TLE3: variants seen among roughly 807,000 people sequenced by gnomAD.
The protein encoded by TLE3 is transducin-like enhancer protein 3.
In TLE3, 14 loss-of-function variants were observed where a neutral mutation model predicts 93.0. The observed-to-expected ratio is 0.15, with a 90% confidence interval of 0.10 to 0.24. The LOEUF (loss-of-function observed/expected upper bound fraction) is 0.24, where lower values mean the gene tolerates loss of function less well. Among genes scored for constraint, TLE3 ranks in the 10% least tolerant of loss-of-function variants. The pLI is 1.00. For missense variants in TLE3, 693 were observed against 1,046.6 expected (o/e 0.66, Z 4.66); for synonymous variants, 451 against 425.0 (o/e 1.06, Z -0.75).
chr15:70,053,051 C>A lies in TLE3; in HGVS notation c.1974+176G>T. ...AATGTGTCCAACCCCAAGGTCATCTCCATCTGTTTCACTGCTGCTTCCTCC... is the reference window on the plus strand; with the variant it reads ...AATGTGTCCAACCCCAAGGTCATCTACATCTGTTTCACTGCTGCTTCCTCC... On this transcript the variant is annotated intron_variant, in intron 17 of 19. Coordinates refer to ENST00000451782, the MANE Select transcript of TLE3 (RefSeq NM_001105192.3). 8 of 743,134 alleles carry A rather than the reference C, an allele frequency of 1.1e-5. No homozygotes were observed. In the South Asian group the frequency reaches 1.7e-4, roughly 16 times the overall value. The allele number at this position is 743,134 out of a possible 1,614,324, so 46.0% of individuals were successfully genotyped here. A position where few individuals can be genotyped will look rare whatever the true frequency, so the allele number is the denominator to read the frequency against.
chr15:70,074,421 G>A (rs1186089436), intron 6 of TLE3, 112 bp downstream of exon 6: 5 of 1,348,598 alleles, frequency 3.7e-6, no homozygotes, highest in Non-Finnish European at 4.1e-6. Flanking sequence ...GGAGCCCTGG[G>A]GCCGCCATTC....
rs750492931 is a variant in TLE3 at position 70,055,046 on chromosome 15, C to T, written c.1578+3G>A. 9 of 1,604,090 alleles carry T rather than the reference C, an allele frequency of 5.6e-6. No individual in the cohort carries two copies. The highest frequency in any genetic ancestry group is 5.1e-6 in the Non-Finnish European group (6 of 1,175,384). On this transcript the variant is annotated splice_donor_region_variant and intron_variant, in intron 15 of 19. Coordinates refer to ENST00000451782, the MANE Select transcript of TLE3 (RefSeq NM_001105192.3). ...GGCGGCGCAGCAGCCCTGGGATTCT[C>T]ACCAGGCAGTCCAGCTGGGAGATGG... is the stretch of plus-strand genomic sequence containing the variant.
intron 8 of TLE3, among the ~76,000 whole-genome samples, chr15:70,062,407 G>C (rs542734797): frequency 2.0e-5 from 3 of 152,202 alleles, no homozygotes; most frequent in African/African-American, 7.2e-5. Context: ...GCGGCTGCTC[G>C]TGTTTCTCCT....
chr15:70,097,800 G>GCA lies in TLE3; in HGVS notation c.-1004_-1003dup, dbSNP rs1385974897. 9.0e-6 allele frequency: 3 copies of GCA among 332,104 alleles called. No homozygotes were observed. Among genetic ancestry groups the GCA allele is most frequent in the South Asian group, 1.9e-4 (1 of 5,378 alleles). 20.6% of individuals were successfully genotyped at this position (332,104 alleles called of 1,614,324 possible). A position where few individuals can be genotyped will look rare whatever the true frequency, so the allele number is the denominator to read the frequency against. On this transcript the variant is annotated 5_prime_UTR_variant, in exon 1 of 20. Transcript: ENST00000451782. The stretch of plus-strand genomic sequence containing the variant: ...ACCCAACACACACACACGCGCGCAC[G>GCA]CACACACACACACACCAAAAAAAAA...
chr15:70,094,778 G>A (rs979123145), intron 3 of TLE3: 3 of 560,134 alleles, frequency 5.4e-6, no homozygotes, highest in South Asian at 4.9e-5. Flanking sequence ...TCAACAGAAC[G>A]TTATATTATG....
intron 4 of TLE3, among the ~76,000 whole-genome samples, chr15:70,091,912 C>T (rs1471631220): frequency 6.6e-6 from 1 of 152,208 alleles, no homozygotes; most frequent in African/African-American, 2.4e-5. Flanking sequence ...AGGACTGCCA[C>T]ACTTCCCAAG....
chr15:70,063,634 C>A (rs977470151), intron 8 of TLE3, among the ~76,000 whole-genome samples: 2 of 152,200 alleles, frequency 1.3e-5, no homozygotes, highest in African/African-American at 4.8e-5. Context: ...GATTAGATGG[C>A]CCCAGATACA....
intron 14 of TLE3, 88 bp from the exon 15 acceptor site, chr15:70,055,386 C>T: frequency 6.7e-7 from 1 of 1,497,852 alleles, no homozygotes; most frequent in Non-Finnish European, 8.9e-7. Flanking sequence ...TGCACTGCCC[C>T]CGACTGGCTG....
intron 10 of TLE3, among the ~76,000 whole-genome samples, 175 bp downstream of exon 10, chr15:70,059,235 C>T (rs1045787002): frequency 6.6e-6 from 1 of 152,132 alleles, no homozygotes; most frequent in African/African-American, 2.4e-5. Flanking sequence ...AGACACCATG[C>T]AGCAAAGCCC....
intron 18 of TLE3, among the ~76,000 whole-genome samples, chr15:70,051,671 C>T (rs1353453007): frequency 4.1e-5 from 3 of 73,030 alleles, no homozygotes; most frequent in South Asian, 4.8e-4. Flanking sequence ...GAGGGCTGGG[C>T]GGGGCTAGGA....
At chr15:70,053,398 G>T in intron 16 of TLE3, 24 bp from the exon 17 acceptor site, 1 of 1,587,354 alleles carries the variant, frequency 6.3e-7, no homozygotes. Flanking sequence ...GCAGGGAGGA[G>T]GGTGAGTCCC....
chr15:70,090,916 G>T (rs929125497), intron 4 of TLE3, among the ~76,000 whole-genome samples: 1 of 152,164 alleles, frequency 6.6e-6, no homozygotes, highest in African/African-American at 2.4e-5. Flanking sequence ...GCCTTAGCCT[G>T]TTTGGATAAT....
At chr15:70,057,010 C>T (rs2056095324) in intron 13 of TLE3, among the ~76,000 whole-genome samples, 1 of 152,212 alleles carries the variant, frequency 6.6e-6, no homozygotes, top group African/African-American at 2.4e-5. Flanking sequence ...GCCTTGGCCT[C>T]CCAAAGTGCT....
chr15:70,079,463 A>G, intron 4 of TLE3: 1 of 464,982 alleles, frequency 2.2e-6, no homozygotes, highest in Non-Finnish European at 4.2e-6. Context: ...TCCCCTGGGA[A>G]AGGGACATGA....
Position 70,097,120 on chromosome 15 carries a change from A to C in TLE3, c.-322T>G. On this transcript the variant is annotated 5_prime_UTR_variant, in exon 1 of 20. Coordinates refer to ENST00000451782, the MANE Select transcript of TLE3 (RefSeq NM_001105192.3). ...TGCGTCGAGCGCGTCAATGCCTGGG[A>C]CTGCGCGGACATCGTCGGCTCCCCA... is the stretch of plus-strand genomic sequence containing the variant. 1 of 439,584 alleles carries C rather than the reference A, an allele frequency of 2.3e-6. No individual in the cohort carries two copies. 27.2% of individuals were successfully genotyped at this position (439,584 alleles called of 1,614,324 possible). A position where few individuals can be genotyped will look rare whatever the true frequency, so the allele number is the denominator to read the frequency against.
Position 70,058,768 on chromosome 15 carries a change from A to G in TLE3, c.813T>C (p.Asn271=). Residue 271 remains asparagine (N), a synonymous_variant, in exon 11 of 20, where the codon AAT becomes AAC. Coordinates refer to ENST00000451782, the MANE Select transcript of TLE3 (RefSeq NM_001105192.3). The surrounding 1 kb of genome is among the most constrained non-coding windows in gnomAD (Gnocchi z 4.1). ...RVSPAHSPPE[N]GLDKARSLKK... Reference sequence around the variant, plus strand: ...TCAGGCTACGGGCCTTGTCCAGCCCATTTTCAGGAGGGGAGTGTGCCGGGC... The same window carrying G: ...TCAGGCTACGGGCCTTGTCCAGCCCGTTTTCAGGAGGGGAGTGTGCCGGGC... 6.2e-7 allele frequency: 1 copy of G among 1,609,442 alleles called. No homozygotes were observed. Among genetic ancestry groups the G allele is most frequent in the Non-Finnish European group, 8.5e-7 (1 of 1,178,114 alleles).
chr15:70,094,339 G>A (rs562508645), intron 4 of TLE3, among the ~76,000 whole-genome samples, 193 bp downstream of exon 4: 1 of 151,304 alleles, frequency 6.6e-6, no homozygotes, highest in East Asian at 2.0e-4. Flanking sequence ...AATGCTAAAA[G>A]CTCAACATGT....
intron 13 of TLE3, among the ~76,000 whole-genome samples, chr15:70,057,142 TTG>T (rs2056113808): frequency 6.6e-6 from 1 of 152,202 alleles, no homozygotes. Context: ...ATCACCTGAC[TTG>T]CCCTGGGATT....
At position 70,097,654 on chromosome 15, in the gene TLE3, G is replaced by C. The variant is rs1567070746; in HGVS notation, c.-856C>G. Reference sequence around the variant, plus strand: ...GCCACCGCCGCTGCCGCGTCGGAGCGCACAGGCAGGAGAGCGCTGGAGGGG... The same window carrying C: ...GCCACCGCCGCTGCCGCGTCGGAGCCCACAGGCAGGAGAGCGCTGGAGGGG... On this transcript the variant is annotated 5_prime_UTR_variant, in exon 1 of 20. Coordinates refer to ENST00000451782, the MANE Select transcript of TLE3 (RefSeq NM_001105192.3). 2.5e-6 allele frequency: 1 copy of C among 397,978 alleles called. No homozygotes were observed. The highest frequency in any genetic ancestry group is 4.4e-6 in the Non-Finnish European group (1 of 225,638). 24.7% of individuals were successfully genotyped at this position (397,978 alleles called of 1,614,324 possible). A position where few individuals can be genotyped will look rare whatever the true frequency, so the allele number is the denominator to read the frequency against.
Sources: gnomAD v4.1 joint callset for allele counts (sites outside exome capture counted in the v4.1 genomes callset) on GRCh38, gnomAD v4.1.1 for gene constraint, Gnocchi (gnomAD v3.1) non-coding constraint, MANE v1.5 for transcripts, NCBI Gene and HGNC (gene_info 2026-07-23, HGNC 2026-07-21) for gene names.